Variants in KAZN observed in about 807,000 individuals in gnomAD.
KAZN encodes the protein kazrin, periplakin interacting protein.
In KAZN, 40 loss-of-function variants were observed where a neutral mutation model predicts 87.4. The ratio of observed to expected loss-of-function variants is 0.46; its 90% CI spans 0.36 to 0.60. The LOEUF is 0.60. Ranked by LOEUF, KAZN falls within the 20% of genes least tolerant of loss-of-function variation. The pLI is 0.00. For synonymous variants in KAZN, 466 were observed against 458.3 expected, an observed-to-expected ratio of 1.02 and a Z score of -0.22; for missense variants, 898 against 1,073.9, an observed-to-expected ratio of 0.84 and a Z score of 2.29.
intron 2 of KAZN, among the ~76,000 whole-genome samples, chr1:14,417,680 G>A (rs1038744250): frequency 5.9e-5 from 9 of 152,044 alleles, no homozygotes; most frequent in African/African-American, 2.2e-4. Flanking sequence ...GAAAAAGACT[G>A]TCATCTGAAA....
At chr1:14,711,598 G>T (rs773150140) in intron 1 of KAZN, among the ~76,000 whole-genome samples, 3 of 152,176 alleles carry the variant, frequency 2.0e-5, no homozygotes, top group Non-Finnish European at 4.4e-5. Context: ...TGTCTTGCTA[G>T]TGCACTCTCT....
At chr1:14,851,612 C>T (rs971786556) in intron 1 of KAZN, among the ~76,000 whole-genome samples, 8 of 152,204 alleles carry the variant, frequency 5.3e-5, no homozygotes, top group African/African-American at 1.9e-4. Flanking sequence ...GGAGTGAGGC[C>T]TTCGGGGTTA....
chr1:14,194,072 G>A (rs1392659104), intron 2 of KAZN, among the ~76,000 whole-genome samples: 1 of 152,046 alleles, frequency 6.6e-6, no homozygotes, highest in Non-Finnish European at 1.5e-5. Flanking sequence ...CTAAATCAAA[G>A]GGAAACATGT....
intron 1 of KAZN, among the ~76,000 whole-genome samples, chr1:14,079,508 G>A (rs1018706137): frequency 2.0e-5 from 3 of 152,260 alleles, no homozygotes; most frequent in African/African-American, 7.2e-5. Flanking sequence ...TTAACATCAC[G>A]TGTAGGAATG....
chr1:14,275,537 G>A (rs1471195061), intron 2 of KAZN, among the ~76,000 whole-genome samples: 1 of 150,104 alleles, frequency 6.7e-6, no homozygotes, highest in Non-Finnish European at 1.5e-5. Flanking sequence ...TGATATCAAT[G>A]AAATAATTCT....
At chr1:14,527,036 CTATT>C (rs1438266080) in intron 2 of KAZN, among the ~76,000 whole-genome samples, 10 of 152,102 alleles carry the variant, frequency 6.6e-5, no homozygotes, top group Admixed American at 6.5e-4. Flanking sequence ...GGACCAGTAC[CTATT>C]ATTGCATAAG....
rs904008788 is a variant in KAZN, at chr1:15,054,585, G to T, written c.727-1506G>T. 1.4e-4 allele frequency among the ~76,000 whole-genome samples: 22 copies of T among 151,778 alleles called. No individual in the cohort carries two copies. The East Asian group carries it at 2.9e-3, about 20-fold the overall frequency. Reference sequence around the variant, plus strand: ...GAGAATTGCTTGAGCATGGGAGGTGGAGGTTGCAGTAAACCGAGATCGCGC... The same window carrying T: ...GAGAATTGCTTGAGCATGGGAGGTGTAGGTTGCAGTAAACCGAGATCGCGC... On this transcript the variant is annotated intron_variant, in intron 4 of 14. Coordinates refer to ENST00000376030, the MANE Select transcript of KAZN (RefSeq NM_201628.3).
At chr1:14,149,049 G>T (rs939904387) in intron 1 of KAZN, among the ~76,000 whole-genome samples, 4 of 136,118 alleles carry the variant, frequency 2.9e-5, no homozygotes, top group Admixed American at 7.6e-5. Flanking sequence ...CTGCCTGCCT[G>T]CCTGCCTTCC....
intron 1 of KAZN, among the ~76,000 whole-genome samples, chr1:13,948,995 G>A (rs549628578): frequency 1.3e-5 from 2 of 152,210 alleles, no homozygotes; most frequent in Non-Finnish European, 2.9e-5. Context: ...CCTCTCTGAC[G>A]TACCCAGCAT....
chr1:14,336,583 C>A (rs1021083596), intron 2 of KAZN, among the ~76,000 whole-genome samples: 2 of 152,212 alleles, frequency 1.3e-5, no homozygotes, highest in Non-Finnish European at 2.9e-5. Context: ...ACCAGCAATG[C>A]ACAAAGGTTC....
chr1:15,006,194 C>T (rs761887124), intron 2 of KAZN, among the ~76,000 whole-genome samples: 1 of 152,242 alleles, frequency 6.6e-6, no homozygotes. Context: ...ACTTTTGCAT[C>T]CAGTATCTTG....
intron 2 of KAZN, among the ~76,000 whole-genome samples, chr1:14,418,266 A>T (rs1393738173): frequency 1.3e-5 from 2 of 152,132 alleles, no homozygotes; most frequent in East Asian, 3.9e-4. Context: ...GTTCCTAACT[A>T]TATGACCCTG....
intron 1 of KAZN, among the ~76,000 whole-genome samples, chr1:14,920,285 T>TTTG (rs1658358357): frequency 6.8e-6 from 1 of 146,740 alleles, no homozygotes; most frequent in South Asian, 2.2e-4. Context: ...TGTTTTTTTT[T>TTTG]TTTTTTTTTT....
chr1:14,504,388 A>G (rs1263799640), intron 2 of KAZN, among the ~76,000 whole-genome samples: 2 of 152,222 alleles, frequency 1.3e-5, no homozygotes, highest in Non-Finnish European at 2.9e-5. Context: ...TCATGGAAAC[A>G]AGTGAAAACT....
At chr1:13,945,758 T>G (rs550933643) in intron 1 of KAZN, among the ~76,000 whole-genome samples, 1 of 151,354 alleles carries the variant, frequency 6.6e-6, no homozygotes, top group African/African-American at 2.4e-5. Flanking sequence ...CCTAAGTCTT[T>G]AGTACATTTT....
At chr1:14,237,215 C>T (rs904240581) in intron 2 of KAZN, among the ~76,000 whole-genome samples, 5 of 152,096 alleles carry the variant, frequency 3.3e-5, no homozygotes, top group Admixed American at 2.0e-4. Flanking sequence ...TTATTCTTAA[C>T]GTGAAAACTG....
intron 1 of KAZN, among the ~76,000 whole-genome samples, chr1:13,907,525 T>TG (rs904888678): frequency 2.3e-5 from 3 of 132,596 alleles, no homozygotes; most frequent in Non-Finnish European, 4.8e-5. Context: ...TGGGTGGGAA[T>TG]GGGGGGTCTT....
At chr1:15,067,198 G>A in intron 8 of KAZN, 1 of 985,570 alleles carries the variant, frequency 1.0e-6, no homozygotes, top group Non-Finnish European at 1.2e-6. Flanking sequence ...GCCACAGTGG[G>A]GACACAGAGT....
chr1:14,406,830 ACACT>A (rs1023256229), intron 2 of KAZN, among the ~76,000 whole-genome samples: 6 of 152,350 alleles, frequency 3.9e-5, no homozygotes, highest in Admixed American at 2.6e-4. Flanking sequence ...ATTAACCAAC[ACACT>A]CACACTCTTT....
Sources: gnomAD v4.1 joint callset for allele counts (sites outside exome capture counted in the v4.1 genomes callset) on GRCh38, gnomAD v4.1.1 for gene constraint, MANE v1.5 for transcripts, NCBI Gene and HGNC (gene_info 2026-07-23, HGNC 2026-07-21) for gene names.